ADARB2: variants seen among roughly 807,000 people sequenced by gnomAD.
ADARB2 encodes the protein adenosine deaminase RNA specific B2 (inactive), also known as inactive double-stranded RNA-specific editase B2.
In ADARB2, 25 loss-of-function variants were observed where a neutral mutation model predicts 62.2. The ratio of observed to expected loss-of-function variants is 0.40; its 90% CI spans 0.29 to 0.56. ADARB2 has a LOEUF of 0.56. Ranked by LOEUF, ADARB2 falls within the 20% of genes least tolerant of loss-of-function variation. The pLI is 0.43. For missense variants in ADARB2, 1,071 were observed against 1,077.4 expected (o/e 0.99, Z 0.08); for synonymous variants, 572 against 500.8 (o/e 1.14, Z -1.90).
chr10:1,672,288 T>C (rs1834396422), intron 1 of ADARB2, among the ~76,000 whole-genome samples: 1 of 152,154 alleles, frequency 6.6e-6, no homozygotes, highest in Admixed American at 6.5e-5. Flanking sequence ...TGTGGGTTCC[T>C]GGGAAGGGCG....
chr10:1,390,444 T>A (rs1457595272), intron 1 of ADARB2, among the ~76,000 whole-genome samples: 1 of 152,234 alleles, frequency 6.6e-6, no homozygotes, highest in Non-Finnish European at 1.5e-5. Context: ...TTTTGCTGTA[T>A]GTAAATTATA....
intron 3 of ADARB2, among the ~76,000 whole-genome samples, chr10:1,299,277 GA>G (rs1280614722): frequency 6.6e-6 from 1 of 151,976 alleles, no homozygotes; most frequent in Non-Finnish European, 1.5e-5. Flanking sequence ...CAAAAGCCAG[GA>G]AGTGCAGAAC....
chr10:1,470,952 G>A (rs1285423122), intron 1 of ADARB2, among the ~76,000 whole-genome samples: 2 of 152,226 alleles, frequency 1.3e-5, no homozygotes, highest in Non-Finnish European at 2.9e-5. Flanking sequence ...TCAGCTATTC[G>A]GGAGGCTGAG....
chr10:1,266,091 GC>G (rs1831196530), intron 4 of ADARB2, among the ~76,000 whole-genome samples: 1 of 150,246 alleles, frequency 6.7e-6, no homozygotes, highest in Admixed American at 6.6e-5. Context: ...CTGAGAGGGG[GC>G]CCAGGCTCTC....
At chr10:1,703,978 T>C (rs1834855678) in intron 1 of ADARB2, among the ~76,000 whole-genome samples, 1 of 152,254 alleles carries the variant, frequency 6.6e-6, no homozygotes, top group African/African-American at 2.4e-5. Context: ...TGATTGATTT[T>C]AGTTTGTTTA....
At chr10:1,431,784 A>G (rs1830779628) in intron 1 of ADARB2, among the ~76,000 whole-genome samples, 1 of 152,208 alleles carries the variant, frequency 6.6e-6, no homozygotes, top group Non-Finnish European at 1.5e-5. Context: ...TTACTACAGA[A>G]CGTGTAGTTT....
intron 1 of ADARB2, among the ~76,000 whole-genome samples, chr10:1,726,727 C>T (rs796517022): frequency 6.6e-6 from 1 of 152,196 alleles, no homozygotes; most frequent in African/African-American, 2.4e-5. Context: ...CAGTGCCTGG[C>T]TCTCCGTAGA....
intron 8 of ADARB2, among the ~76,000 whole-genome samples, chr10:1,194,717 A>G (rs1420071809): frequency 1.3e-5 from 2 of 151,908 alleles, no homozygotes; most frequent in African/African-American, 4.8e-5. Flanking sequence ...TATTTTCTGT[A>G]TTTCTGAAAT....
chr10:1,376,168 G>C (rs1832428132), intron 2 of ADARB2, among the ~76,000 whole-genome samples: 1 of 152,320 alleles, frequency 6.6e-6, no homozygotes, highest in East Asian at 1.9e-4. Context: ...CAATGCCACA[G>C]GGATCTAGGA....
rs542810883 is a variant in ADARB2 at position 1,646,021 on chromosome 10, G to A, written c.100+91030C>T. Among the ~76,000 whole-genome samples, 11 of 152,278 alleles carry A rather than the reference G, an allele frequency of 7.2e-5. No individual in the cohort carries two copies. In the East Asian group the frequency reaches 9.6e-4, roughly 13 times the overall value. On this transcript the variant is annotated intron_variant, in intron 1 of 9. Transcript: ENST00000381312. ...CACAACCAGAGTGGTGTTAGGAGAC[G>A]TGTCCCAGGGACACATGAGGATGGC... is the stretch of plus-strand genomic sequence containing the variant.
intron 8 of ADARB2, among the ~76,000 whole-genome samples, chr10:1,189,783 G>C (rs924410168): frequency 8.0e-5 from 11 of 136,982 alleles, no homozygotes; most frequent in African/African-American, 2.8e-4. Context: ...AACACGTGGC[G>C]CTACCTCCTT....
rs1375552379 is a variant in ADARB2, at chr10:1,525,546, C to A, written c.101-146386G>T. On this transcript the variant is annotated intron_variant, in intron 1 of 9. Transcript: ENST00000381312. ...GCCTTTTCAGTTCAAAGTACATCAG[C>A]AGCCCGACGCTGGTGGTCCACGTTT... Among the ~76,000 whole-genome samples the A allele has an allele frequency of 3.3e-5, 5 of 152,124 alleles. No homozygotes were observed. In the East Asian group the frequency reaches 9.7e-4, roughly 29 times the overall value.
chr10:1,548,246 C>A (rs1227216648), intron 1 of ADARB2, among the ~76,000 whole-genome samples: 2 of 152,198 alleles, frequency 1.3e-5, no homozygotes, highest in African/African-American at 4.8e-5. Context: ...CCCATTCCCG[C>A]AACTCACTGG....
chr10:1,203,347 G>T (rs1837011300), intron 7 of ADARB2, among the ~76,000 whole-genome samples: 1 of 152,200 alleles, frequency 6.6e-6, no homozygotes, highest in African/African-American at 2.4e-5. Context: ...CAGGTCTCCG[G>T]TGGGTTGACG....
intron 1 of ADARB2, among the ~76,000 whole-genome samples, chr10:1,634,648 A>G (rs539961094): frequency 6.6e-5 from 10 of 152,198 alleles, no homozygotes; most frequent in Non-Finnish European, 1.2e-4. Flanking sequence ...TTATTATAAT[A>G]TGTCGCATGA....
intron 6 of ADARB2, among the ~76,000 whole-genome samples, chr10:1,219,196 C>T (rs1830659872): frequency 6.6e-6 from 1 of 152,182 alleles, no homozygotes; most frequent in Admixed American, 6.5e-5. Flanking sequence ...CCTGTATAGC[C>T]TGTGGAACCT....
intron 1 of ADARB2, among the ~76,000 whole-genome samples, chr10:1,488,229 A>G (rs1831569261): frequency 6.6e-6 from 1 of 152,092 alleles, no homozygotes; most frequent in Non-Finnish European, 1.5e-5. Flanking sequence ...GGCAAAGAAA[A>G]AAAAAAAGGA....
chr10:1,724,105 T>C (rs1011429647), intron 1 of ADARB2, among the ~76,000 whole-genome samples: 9 of 152,202 alleles, frequency 5.9e-5, no homozygotes, highest in African/African-American at 1.7e-4. Context: ...GTGACCATAT[T>C]TGAAGATGGG....
At chr10:1,712,634 T>G in intron 1 of ADARB2, among the ~76,000 whole-genome samples, 1 of 38,000 alleles carries the variant, frequency 2.6e-5, no homozygotes. Context: ...TGAAACGGAG[T>G]CTCCCTCTGT....
Sources: allele counts gnomAD v4.1 joint callset (sites outside exome capture counted in the v4.1 genomes callset), GRCh38; gene constraint gnomAD v4.1.1; transcripts MANE v1.5; gene names NCBI Gene and HGNC (gene_info 2026-07-23, HGNC 2026-07-21).